The following TMEM132B variants were observed in gnomAD, a reference collection of about 807,000 sequenced individuals.
TMEM132B encodes the protein transmembrane protein 132B.
Under a neutral mutation model 90.8 loss-of-function variants are expected in TMEM132B, and 18 were observed. The observed-to-expected ratio is 0.20, with a 90% CI of 0.14 to 0.29. TMEM132B has a LOEUF of 0.29. Among genes scored for constraint, TMEM132B ranks in the 10% least tolerant of loss-of-function variants. The pLI, the probability that TMEM132B is intolerant of heterozygous loss-of-function variation, is 1.00. For synonymous variants in TMEM132B, 504 were observed against 523.3 expected, an observed-to-expected ratio of 0.96 and a Z score of 0.50; for missense variants, 1,096 against 1,326.8, an observed-to-expected ratio of 0.83 and a Z score of 2.70.
At chr12:125,219,415 T>C (rs1436811596) in intron 1 of TMEM132B, among the ~76,000 whole-genome samples, 1 of 152,106 alleles carries the variant, frequency 6.6e-6, no homozygotes, top group Non-Finnish European at 1.5e-5. Flanking sequence ...ATGTGAAAAA[T>C]CAACTGAAGT....
At chr12:125,467,092 T>C (rs112593909) in intron 3 of TMEM132B, among the ~76,000 whole-genome samples, 2 of 152,308 alleles carry the variant, frequency 1.3e-5, no homozygotes, top group African/African-American at 4.8e-5. Flanking sequence ...GTTGTACTGC[T>C]GGGGAGAAGA....
At position 125,209,221 on chromosome 12, in the gene TMEM132B, G is replaced by A. The variant is rs71458900; in HGVS notation, c.67+22355G>A. Among the ~76,000 whole-genome samples, 1 of 152,210 alleles carries A rather than the reference G, an allele frequency of 6.6e-6. No individual in the cohort carries two copies. Among genetic ancestry groups the A allele is most frequent in the Non-Finnish European group, 1.5e-5 (1 of 68,042 alleles). ...GCCTCTGGCCAGCCTGAGCCTGGGTGCACACGAGGGCCGCTCTCTTTCTGT... is the reference window on the plus strand; with the variant it reads ...GCCTCTGGCCAGCCTGAGCCTGGGTACACACGAGGGCCGCTCTCTTTCTGT... On this transcript the variant is annotated intron_variant, in intron 1 of 8. Coordinates refer to ENST00000682704, the MANE Select transcript of TMEM132B (RefSeq NM_001366854.1). This position sits in a 1 kb window ranked among gnomAD's most constrained non-coding sequence, Gnocchi z 4.4.
At chr12:125,441,584 C>G (rs1044854269) in intron 3 of TMEM132B, among the ~76,000 whole-genome samples, 1 of 152,138 alleles carries the variant, frequency 6.6e-6, no homozygotes, top group African/African-American at 2.4e-5. Flanking sequence ...ATCTGCTGGC[C>G]CCTCCAGGCC....
intron 1 of TMEM132B, among the ~76,000 whole-genome samples, chr12:125,342,968 G>A (rs1183162492): frequency 1.3e-5 from 2 of 152,238 alleles, no homozygotes; most frequent in Non-Finnish European, 2.9e-5. Flanking sequence ...CAGTAGTCAA[G>A]TATTTGCTAC....
chr12:125,204,973 A>G (rs1190641417), intron 1 of TMEM132B, among the ~76,000 whole-genome samples: 5 of 104,530 alleles, frequency 4.8e-5, no homozygotes, highest in South Asian at 3.5e-4. Flanking sequence ...GGCTCCGTGT[A>G]CCAGGCACTG....
chr12:125,454,465 G>A (rs931135749), intron 3 of TMEM132B, among the ~76,000 whole-genome samples: 1 of 151,898 alleles, frequency 6.6e-6, no homozygotes, highest in Non-Finnish European at 1.5e-5. Context: ...TGAAGGTGAT[G>A]AGAATGAACA....
intron 3 of TMEM132B, among the ~76,000 whole-genome samples, chr12:125,425,181 G>A (rs760116506): frequency 1.4e-4 from 22 of 152,152 alleles, no homozygotes; most frequent in Non-Finnish European, 2.6e-4. Flanking sequence ...AGCAGGTAGT[G>A]CAAGTGAGAA....
chr12:125,635,641 C>T (rs1247668895), intron 5 of TMEM132B, among the ~76,000 whole-genome samples: 3 of 152,112 alleles, frequency 2.0e-5, no homozygotes, highest in African/African-American at 2.4e-5. Flanking sequence ...ATTTATAATC[C>T]TTTGGGTATG....
chr12:125,352,562 T>C, intron 2 of TMEM132B, among the ~76,000 whole-genome samples: 1 of 152,356 alleles, frequency 6.6e-6, no homozygotes, highest in East Asian at 1.9e-4. Context: ...ATCTATCTCC[T>C]GGGGTGGTGG....
chr12:125,541,864 A>AG (rs1883965292), intron 4 of TMEM132B, among the ~76,000 whole-genome samples: 1 of 150,032 alleles, frequency 6.7e-6, no homozygotes, highest in Non-Finnish European at 1.5e-5. Flanking sequence ...CTAAAAAAAA[A>AG]TATATAAAAA....
chr12:125,186,490 G>T lies in TMEM132B; in HGVS notation c.-310G>T. On this transcript the variant is annotated 5_prime_UTR_variant, in exon 1 of 9. Transcript: ENST00000682704. This position sits in a 1 kb window ranked among gnomAD's most constrained non-coding sequence, Gnocchi z 6.3. ...GGACGGGCGCTGGGGCGCAGGAGCC[G>T]CGGCGGCGGCGGCGGCGGGGGCCGC... is the stretch of plus-strand genomic sequence containing the variant. Among the ~76,000 whole-genome samples the T allele has an allele frequency of 6.9e-6, 1 of 145,984 alleles. No homozygotes were observed. The highest frequency in any genetic ancestry group is 1.5e-5 in the Non-Finnish European group (1 of 65,588).
intron 1 of TMEM132B, among the ~76,000 whole-genome samples, chr12:125,224,498 G>C (rs1303843058): frequency 6.6e-6 from 1 of 152,238 alleles, no homozygotes; most frequent in Non-Finnish European, 1.5e-5. Flanking sequence ...CCACTGTGCA[G>C]TGCTGAAGCA....
chr12:125,333,342 C>G (rs1876852246), intron 1 of TMEM132B, among the ~76,000 whole-genome samples: 1 of 152,190 alleles, frequency 6.6e-6, no homozygotes, highest in African/African-American at 2.4e-5. Flanking sequence ...GGCAAAGGCT[C>G]TATTTCCAAG....
chr12:125,333,712 C>T (rs1374250392), intron 1 of TMEM132B, among the ~76,000 whole-genome samples: 1 of 152,168 alleles, frequency 6.6e-6, no homozygotes, highest in Non-Finnish European at 1.5e-5. Context: ...GGTAAGAATG[C>T]ATGCACAGCC....
chr12:125,307,821 T>TAATACTTAA (rs1400191352), intron 1 of TMEM132B, among the ~76,000 whole-genome samples: 12 of 14,312 alleles, frequency 8.4e-4, no homozygotes, highest in African/African-American at 2.4e-3. Flanking sequence ...ATAATACTTA[T>TAATACTTAA]AAGTATATAT....
chr12:125,387,371 G>T (rs1878870904), intron 2 of TMEM132B, among the ~76,000 whole-genome samples: 1 of 152,180 alleles, frequency 6.6e-6, no homozygotes, highest in Non-Finnish European at 1.5e-5. Flanking sequence ...ATTAATGAAA[G>T]AATAGTTGGG....
intron 2 of TMEM132B, among the ~76,000 whole-genome samples, chr12:125,374,758 T>C (rs994219108): frequency 6.6e-6 from 1 of 151,970 alleles, no homozygotes; most frequent in Non-Finnish European, 1.5e-5. Flanking sequence ...AATTATGTGC[T>C]GTTAGAGGAA....
chr12:125,249,654 A>G (rs1874274885), intron 1 of TMEM132B, among the ~76,000 whole-genome samples: 1 of 152,216 alleles, frequency 6.6e-6, no homozygotes, highest in Non-Finnish European at 1.5e-5. Context: ...ACTGAAATTC[A>G]TACCAAGATG....
chr12:125,232,641 G>T (rs1421971708), intron 1 of TMEM132B, among the ~76,000 whole-genome samples: 1 of 152,102 alleles, frequency 6.6e-6, no homozygotes, highest in Non-Finnish European at 1.5e-5. Context: ...TATAAATATT[G>T]GGACAGGGTT....
Sources: gnomAD v4.1 joint callset for allele counts (sites outside exome capture counted in the v4.1 genomes callset) on GRCh38, gnomAD v4.1.1 for gene constraint, Gnocchi (gnomAD v3.1) non-coding constraint, MANE v1.5 for transcripts, NCBI Gene and HGNC (gene_info 2026-07-23, HGNC 2026-07-21) for gene names.